MICAL3: variants seen among roughly 807,000 people sequenced by gnomAD.
The protein encoded by MICAL3 is [F-actin]-monooxygenase MICAL3.
A neutral mutation model predicts 207.4 loss-of-function variants in MICAL3; 62 were observed. The ratio of observed to expected loss-of-function variants is 0.30; its 90% confidence interval spans 0.24 to 0.37. The LOEUF is 0.37. Ranked by LOEUF, MICAL3 falls within the 10% of genes least tolerant of loss-of-function variation. The pLI is 1.00. For missense variants in MICAL3, 2,368 were observed against 2,635.6 expected (o/e 0.90, Z 2.22); for synonymous variants, 1,077 against 1,069.3 (o/e 1.01, Z -0.14).
chr22:17,885,115 C>T (rs1929757365), intron 16 of MICAL3, among the ~76,000 whole-genome samples: 1 of 152,206 alleles, frequency 6.6e-6, no homozygotes, highest in South Asian at 2.1e-4. Context: ...GAGAGACACG[C>T]CCTAACCAAG....
intron 20 of MICAL3, 54 bp from the exon 21 acceptor site, chr22:17,832,161 G>A (rs1922874183): frequency 4.6e-6 from 7 of 1,533,524 alleles, no homozygotes; most frequent in Admixed American, 2.0e-5. Flanking sequence ...AAACTGAGAA[G>A]GGGAAGGGGA....
At chr22:17,972,790 G>A (rs1234364207) in intron 1 of MICAL3, among the ~76,000 whole-genome samples, 6 of 152,238 alleles carry the variant, frequency 3.9e-5, no homozygotes, top group Non-Finnish European at 1.5e-5. Context: ...CCAAATTGTT[G>A]TAGTATTGTG....
intron 1 of MICAL3, among the ~76,000 whole-genome samples, chr22:17,943,613 T>C (rs407232): frequency 0.5 from 75,228 of 151,962 alleles, 18,794 homozygotes; most frequent in Middle Eastern, 0.7. Flanking sequence ...CTGCGCTTTA[T>C]GAATAGATCA....
intron 15 of MICAL3, 145 bp from the exon 16 acceptor site, chr22:17,886,196 G>A: frequency 1.2e-6 from 1 of 834,082 alleles, no homozygotes; most frequent in Non-Finnish European, 1.9e-6. Flanking sequence ...CACAGAGACA[G>A]CAAGCCTGGA....
At chr22:17,877,703 G>A (rs1217561761) in intron 16 of MICAL3, among the ~76,000 whole-genome samples, 3 of 151,972 alleles carry the variant, frequency 2.0e-5, no homozygotes, top group African/African-American at 7.3e-5. Flanking sequence ...CAGTTCAGAG[G>A]GAAAAAGAGA....
chr22:17,915,793 T>C (rs908352276), intron 1 of MICAL3, among the ~76,000 whole-genome samples: 4 of 151,292 alleles, frequency 2.6e-5, no homozygotes, highest in Non-Finnish European at 5.9e-5. Context: ...TCGATTTCTG[T>C]GTAGAAGACC....
At chr22:17,895,756 A>G (rs1442869506) in intron 9 of MICAL3, among the ~76,000 whole-genome samples, 1 of 152,184 alleles carries the variant, frequency 6.6e-6, no homozygotes, top group African/African-American at 2.4e-5. Context: ...AAAAAGAATT[A>G]TCACTATATT....
chr22:17,982,405 G>A (rs1004257406), intron 1 of MICAL3, among the ~76,000 whole-genome samples: 1 of 152,210 alleles, frequency 6.6e-6, no homozygotes, highest in African/African-American at 2.4e-5. Context: ...GGCCAGGCAC[G>A]GTGGCTCATG....
rs186188546 is a variant in MICAL3, at chr22:17,917,675, T to G, written c.-74-10789A>C. 2.3e-3 allele frequency among the ~76,000 whole-genome samples: 354 copies of G among 152,268 alleles called. 1 individual carries two copies. The highest frequency in any genetic ancestry group is 7.8e-3 in the African/African-American group (324 of 41,554). On this transcript the variant is annotated intron_variant, in intron 1 of 31. Transcript: ENST00000441493. ...GATCCTGCCACCCTCCCCAACACCC[T>G]TAGGCCCAGCCACATGGCCTCTCTC... is the stretch of plus-strand genomic sequence containing the variant.
intron 20 of MICAL3, among the ~76,000 whole-genome samples, chr22:17,834,172 C>T (rs566343541): frequency 9.2e-5 from 14 of 152,218 alleles, no homozygotes; most frequent in Non-Finnish European, 1.6e-4. Flanking sequence ...CTGCTACTGG[C>T]TGGCTGTGTG....
At chr22:17,965,956 G>T (rs1267083284) in intron 1 of MICAL3, among the ~76,000 whole-genome samples, 1 of 152,172 alleles carries the variant, frequency 6.6e-6, no homozygotes, top group Non-Finnish European at 1.5e-5. Flanking sequence ...ACCACCGTGG[G>T]ACTTCCATGT....
intron 1 of MICAL3, among the ~76,000 whole-genome samples, chr22:17,922,701 G>A (rs1032735204): frequency 6.6e-6 from 1 of 152,170 alleles, no homozygotes; most frequent in Non-Finnish European, 1.5e-5. Context: ...CACAGGCTTG[G>A]TGAGCACAGC....
At chr22:17,878,324 G>A (rs5992887) in intron 16 of MICAL3, among the ~76,000 whole-genome samples, 40,511 of 152,110 alleles carry the variant, frequency 0.27, 7,860 homozygotes, top group African/African-American at 0.55. Flanking sequence ...ACACAGCGCC[G>A]TGGGAGAGCA....
intron 16 of MICAL3, 74 bp from the exon 17 acceptor site, chr22:17,872,097 C>T: frequency 1.5e-6 from 2 of 1,340,988 alleles, no homozygotes; most frequent in Non-Finnish European, 1.0e-6. Flanking sequence ...GAGGCACAGC[C>T]TTGCGAGAGC....
intron 29 of MICAL3, 182 bp from the exon 30 acceptor site, chr22:17,791,483 C>A (rs150012176): frequency 1.6e-6 from 1 of 613,740 alleles, no homozygotes; most frequent in Non-Finnish European, 2.9e-6. Context: ...CTGGGGCCTG[C>A]GCTTTCCCGT....
intron 1 of MICAL3, among the ~76,000 whole-genome samples, chr22:17,978,572 G>A (rs1055529955): frequency 5.3e-5 from 8 of 151,282 alleles, no homozygotes; most frequent in Admixed American, 3.3e-4. Context: ...GAAGTGCAGT[G>A]GCACAATCTC....
Position 17,832,066 on chromosome 22 carries a change from TCCTCCTCCTCTC to T in MICAL3, c.2831_2842del (p.Gly944_Glu947del), listed in dbSNP as rs1922865937. 6.3e-7 allele frequency: 1 copy of T among 1,591,978 alleles called. No homozygotes were observed. The highest frequency in any genetic ancestry group is 8.6e-7 in the Non-Finnish European group (1 of 1,169,216). ...AGATGGGGGCAGGCGAGGCTCCTCCTCCTCCTCCTCTCCCTCCTCCTCCATCTCAGACTCGGA... is the reference window on the plus strand; with the variant it reads ...AGATGGGGGCAGGCGAGGCTCCTCCTCCTCCTCCTCCATCTCAGACTCGGA... On this transcript the variant is annotated inframe_deletion, in exon 21 of 32. Coordinates refer to ENST00000441493, the MANE Select transcript of MICAL3 (RefSeq NM_015241.3).
intron 1 of MICAL3, among the ~76,000 whole-genome samples, chr22:18,013,635 A>G (rs766654430): frequency 6.6e-6 from 1 of 152,224 alleles, no homozygotes; most frequent in Non-Finnish European, 1.5e-5. Flanking sequence ...GAGGTGACGC[A>G]TAGGAAAGCA....
intron 1 of MICAL3, among the ~76,000 whole-genome samples, chr22:17,956,439 C>T (rs1449770833): frequency 1.3e-5 from 2 of 152,030 alleles, no homozygotes; most frequent in Non-Finnish European, 2.9e-5. Context: ...TTTGGGAGGC[C>T]GAGGCGGGCC....
Sources: allele counts gnomAD v4.1 joint callset (sites outside exome capture counted in the v4.1 genomes callset), GRCh38; gene constraint gnomAD v4.1.1; transcripts MANE v1.5; gene names NCBI Gene and HGNC (gene_info 2026-07-23, HGNC 2026-07-21).